The following NEK1 variants were observed in gnomAD, a reference collection of about 807,000 sequenced individuals.
The protein encoded by NEK1 is serine/threonine-protein kinase Nek1.
NEK1 carries 137 observed loss-of-function variants against 182.1 expected under a neutral mutation model. The observed-to-expected ratio is 0.75, with a 90% CI of 0.65 to 0.87. NEK1 has a LOEUF of 0.87. Ranked by LOEUF, NEK1 falls within the 40% of genes least tolerant of loss-of-function variation. NEK1 has a pLI of 0.00. For missense variants in NEK1, 1,391 were observed against 1,494.4 expected, an observed-to-expected ratio of 0.93 and a Z score of 1.14; for synonymous variants, 513 against 492.2, an observed-to-expected ratio of 1.04 and a Z score of -0.56.
intron 16 of NEK1, among the ~76,000 whole-genome samples, chr4:169,559,619 A>C (rs977599355): frequency 4.6e-5 from 7 of 152,206 alleles, no homozygotes; most frequent in African/African-American, 1.4e-4. Flanking sequence ...GAGAAAAAAA[A>C]CCAAGAATTA....
chr4:169,439,672 T>TA (rs1332350048), intron 27 of NEK1, among the ~76,000 whole-genome samples: 3 of 151,802 alleles, frequency 2.0e-5, no homozygotes, highest in Non-Finnish European at 4.4e-5. Flanking sequence ...AAATATAGGA[T>TA]AAAAATCTAT....
At chr4:169,593,056 C>G (rs987943356) in intron 5 of NEK1, among the ~76,000 whole-genome samples, 2 of 151,752 alleles carry the variant, frequency 1.3e-5, no homozygotes, top group Admixed American at 1.3e-4. Context: ...CAGTGTTCTT[C>G]TATTACCATA....
At chr4:169,504,217 C>G (rs1476648802) in intron 23 of NEK1, among the ~76,000 whole-genome samples, 1 of 152,000 alleles carries the variant, frequency 6.6e-6, no homozygotes, top group Non-Finnish European at 1.5e-5. Flanking sequence ...AAAGGACTAG[C>G]AATAACAAAT....
At chr4:169,595,922 CAAAAAAAAA>C (rs56313001) in intron 5 of NEK1, among the ~76,000 whole-genome samples, 1 of 67,204 alleles carries the variant, frequency 1.5e-5, no homozygotes, top group Admixed American at 2.0e-4. Context: ...GACTCCACCT[CAAAAAAAAA>C]AAAAAAAAAA....
At chr4:169,552,332 A>G (rs2149891421) in intron 18 of NEK1, among the ~76,000 whole-genome samples, 1 of 152,144 alleles carries the variant, frequency 6.6e-6, no homozygotes, top group South Asian at 2.1e-4. Context: ...AAGCTAAAGA[A>G]GAAAAATCAC....
At chr4:169,581,973 C>G (rs1440800387) in intron 10 of NEK1, among the ~76,000 whole-genome samples, 2 of 152,032 alleles carry the variant, frequency 1.3e-5, no homozygotes, top group Non-Finnish European at 2.9e-5. Flanking sequence ...TATATATTCT[C>G]CAGCATTTAT....
In NEK1 at chr4:169,556,150, T is replaced by C. The variant is rs888382280; in HGVS notation, c.1267-55A>G. The C allele has an allele frequency of 2.8e-5, 42 of 1,480,300 alleles. No individual in the cohort carries two copies. In the African/African-American group the frequency reaches 5.4e-4, roughly 19 times the overall value. The allele number at this position is 1,480,300 out of a possible 1,614,324, so 91.7% of individuals were successfully genotyped here. A position where few individuals can be genotyped will look rare whatever the true frequency, so the allele number is the denominator to read the frequency against. ...TTTATCTTATAAGGCCTAACAGGCC[T>C]GTACTAGTCTCAAAAGAAAAAGTAA... On this transcript the variant is annotated intron_variant, in intron 16 of 35. Transcript: ENST00000507142.
chr4:169,439,649 T>A (rs1739053507), intron 27 of NEK1, among the ~76,000 whole-genome samples: 1 of 152,084 alleles, frequency 6.6e-6, no homozygotes, highest in African/African-American at 2.4e-5. Context: ...AACAGAAGAA[T>A]AGGAAATAAT....
At chr4:169,475,454 C>T (rs932068180) in intron 26 of NEK1, among the ~76,000 whole-genome samples, 2 of 152,120 alleles carry the variant, frequency 1.3e-5, no homozygotes, top group African/African-American at 4.8e-5. Context: ...ATGAATCAAA[C>T]TGAGTCCAAG....
At chr4:169,486,617 C>T (rs1749087336) in intron 23 of NEK1, among the ~76,000 whole-genome samples, 1 of 152,106 alleles carries the variant, frequency 6.6e-6, no homozygotes, top group Admixed American at 6.6e-5. Context: ...GTCTCAAAAC[C>T]TTATCTTTGA....
chr4:169,479,678 T>C, intron 23 of NEK1, 144 bp from the exon 24 acceptor site: 4 of 657,980 alleles, frequency 6.1e-6, no homozygotes, highest in Admixed American at 6.8e-5. Context: ...CAAGGCATTA[T>C]GATGCTACAT....
In NEK1 at chr4:169,607,526, A is replaced by G. The variant is rs571593140; in HGVS notation, c.-49+4494T>C. Among the ~76,000 whole-genome samples, 5 of 152,068 alleles carry G rather than the reference A, an allele frequency of 3.3e-5. No homozygotes were observed. In the East Asian group the frequency reaches 5.8e-4, roughly 18 times the overall value. ...TGCCCAGGCTGGAGTGCAGTGGCGC[A>G]GTCTTGGCTCACTGCAAGCTCCACC... On this transcript the variant is annotated intron_variant, in intron 2 of 35. Transcript: ENST00000507142.
chr4:169,463,540 GAAT>G lies in NEK1; in HGVS notation c.2435-148_2435-146del. 2 of 446,852 alleles carry G rather than the reference GAAT, an allele frequency of 4.5e-6. 1 individual carries two copies. Among genetic ancestry groups the G allele is most frequent in the Non-Finnish European group, 7.7e-6 (2 of 259,154 alleles). 27.7% of individuals were successfully genotyped at this position (446,852 alleles called of 1,614,324 possible). ...CAAAGACTTTCAGGGAAAGAATGAT[GAAT>G]AATGGCAAGAACAGAAGCAAATGAA... On this transcript the variant is annotated intron_variant, in intron 26 of 35. Transcript: ENST00000507142.
intron 12 of NEK1, among the ~76,000 whole-genome samples, chr4:169,573,836 G>A (rs1033159288): frequency 6.6e-6 from 1 of 152,176 alleles, no homozygotes; most frequent in Admixed American, 6.5e-5. Context: ...TCAAGTTAAA[G>A]TGGGAGACAA....
chr4:169,585,284 T>C (rs1322400403), intron 10 of NEK1, 65 bp downstream of exon 10: 1 of 1,186,450 alleles, frequency 8.4e-7, no homozygotes, highest in Admixed American at 2.0e-5. Flanking sequence ...TCCTCAACAC[T>C]GGAGGCCATG....
intron 22 of NEK1, among the ~76,000 whole-genome samples, chr4:169,507,474 T>C (rs1753500795): frequency 6.6e-6 from 1 of 152,186 alleles, no homozygotes; most frequent in Non-Finnish European, 1.5e-5. Flanking sequence ...GGTTACCATT[T>C]TTTTCAAGAT....
intron 32 of NEK1, among the ~76,000 whole-genome samples, chr4:169,405,142 G>A (rs1030505769): frequency 1.3e-5 from 2 of 152,190 alleles, no homozygotes; most frequent in African/African-American, 4.8e-5. Context: ...TCTGAGAAAT[G>A]CATTGTTATA....
chr4:169,602,189 T>C, intron 3 of NEK1, 85 bp from the exon 4 acceptor site: 3 of 883,936 alleles, frequency 3.4e-6, no homozygotes, highest in Admixed American at 1.8e-5. Flanking sequence ...GGTTAAAACA[T>C]AATAGTATTA....
chr4:169,604,870 G>A (rs1024991116), intron 2 of NEK1, among the ~76,000 whole-genome samples: 8 of 152,090 alleles, frequency 5.3e-5, no homozygotes, highest in Non-Finnish European at 7.4e-5. Flanking sequence ...CATTATTATA[G>A]CATTTTAGCA....
Sources: allele counts gnomAD v4.1 joint callset (sites outside exome capture counted in the v4.1 genomes callset), GRCh38; gene constraint gnomAD v4.1.1; transcripts MANE v1.5; gene names NCBI Gene and HGNC (gene_info 2026-07-23, HGNC 2026-07-21).